GALNT13: variants seen among roughly 807,000 people sequenced by gnomAD.
The protein encoded by GALNT13 is polypeptide N-acetylgalactosaminyltransferase 13.
Under a neutral mutation model 64.2 loss-of-function variants are expected in GALNT13, and 28 were observed. The observed-to-expected ratio is 0.44, with a 90% CI of 0.32 to 0.60. The LOEUF (loss-of-function observed/expected upper bound fraction) is 0.60. Among genes scored for constraint, GALNT13 ranks in the 20% least tolerant of loss-of-function variants. GALNT13 has a pLI of 0.05. For synonymous variants in GALNT13, 214 were observed against 224.6 expected, an observed-to-expected ratio of 0.95 and a Z score of 0.42; for missense variants, 577 against 669.8, an observed-to-expected ratio of 0.86 and a Z score of 1.53.
the GALNT13 span, among the ~76,000 whole-genome samples, chr2:153,813,849 A>G: frequency 1.3e-5 from 2 of 152,224 alleles, no homozygotes; most frequent in South Asian, 2.1e-4. Context: ...GCAAGAATTA[A>G]TAGGGCTGTT....
chr2:153,884,665 TC>T (rs2105248746), intron 1 of GALNT13, among the ~76,000 whole-genome samples: 1 of 150,846 alleles, frequency 6.6e-6, no homozygotes, highest in Non-Finnish European at 1.5e-5. Flanking sequence ...GGGTTTGTAA[TC>T]CCAGCACTTT....
intron 4 of GALNT13, among the ~76,000 whole-genome samples, chr2:154,203,145 G>A (rs1360902423): frequency 6.6e-6 from 1 of 152,108 alleles, no homozygotes; most frequent in African/African-American, 2.4e-5. Flanking sequence ...GGCATGGGGA[G>A]GAGGGAGATA....
chr2:153,771,776 GC>G, the GALNT13 span, among the ~76,000 whole-genome samples: 2 of 152,072 alleles, frequency 1.3e-5, no homozygotes, highest in African/African-American at 4.8e-5. Flanking sequence ...CAGAAAAAGA[GC>G]AAAAACTTAC....
chr2:154,241,971 TA>T, intron 4 of GALNT13, 58 bp from the exon 5 acceptor site: 1 of 1,105,624 alleles, frequency 9.0e-7, no homozygotes, highest in Non-Finnish European at 1.3e-6. Flanking sequence ...TATTTCTTTT[TA>T]AAATAATCAG....
the GALNT13 span, among the ~76,000 whole-genome samples, chr2:153,400,698 G>C: frequency 2.8e-4 from 43 of 152,236 alleles, no homozygotes; most frequent in African/African-American, 7.7e-4. Context: ...TCTAGATTTT[G>C]TAGTTTATTT....
chr2:153,754,206 G>T, the GALNT13 span, among the ~76,000 whole-genome samples: 5 of 152,152 alleles, frequency 3.3e-5, no homozygotes, highest in Admixed American at 6.5e-5. Flanking sequence ...TTGTGGCCAG[G>T]CTAGTACCTA....
chr2:153,134,145 C>T, the GALNT13 span, among the ~76,000 whole-genome samples: 2 of 151,640 alleles, frequency 1.3e-5, no homozygotes, highest in African/African-American at 4.9e-5. Context: ...TCGAAAAGAC[C>T]ATAAAGGACA....
the GALNT13 span, among the ~76,000 whole-genome samples, chr2:153,562,042 TTC>T: frequency 3.6e-4 from 41 of 112,794 alleles, no homozygotes; most frequent in South Asian, 1.4e-3. Flanking sequence ...CTCTCTCTCT[TTC>T]TCTCTCTCTC....
At chr2:153,844,936 T>C in the GALNT13 span, among the ~76,000 whole-genome samples, 17 of 152,318 alleles carry the variant, frequency 1.1e-4, no homozygotes, top group East Asian at 3.3e-3. Flanking sequence ...CAGTTCCCAA[T>C]AAGTTCCTCA....
chr2:154,337,877 C>T (rs996776606), intron 9 of GALNT13, among the ~76,000 whole-genome samples: 1 of 151,734 alleles, frequency 6.6e-6, no homozygotes, highest in African/African-American at 2.4e-5. Flanking sequence ...GGAGAGAAAG[C>T]TCATTTATAT....
At chr2:154,067,293 G>A (rs1352846232) in intron 3 of GALNT13, among the ~76,000 whole-genome samples, 1 of 151,836 alleles carries the variant, frequency 6.6e-6, no homozygotes, top group Non-Finnish European at 1.5e-5. Flanking sequence ...CTTATCAATG[G>A]TAACATTAAA....
chr2:153,849,373 C>T, the GALNT13 span, among the ~76,000 whole-genome samples: 2 of 152,124 alleles, frequency 1.3e-5, no homozygotes, highest in African/African-American at 4.8e-5. Flanking sequence ...TTTTGTACCT[C>T]TAATACTCGA....
chr2:153,254,201 G>A, the GALNT13 span, among the ~76,000 whole-genome samples: 1 of 152,174 alleles, frequency 6.6e-6, no homozygotes, highest in Non-Finnish European at 1.5e-5. Context: ...TCTTGGGAGG[G>A]TGTATGTGTC....
At chr2:153,562,105 T>G in the GALNT13 span, among the ~76,000 whole-genome samples, 4 of 134,802 alleles carry the variant, frequency 3.0e-5, no homozygotes, top group Non-Finnish European at 6.5e-5. Flanking sequence ...TGTGTGTGTG[T>G]GGTGTAGGCA....
the GALNT13 span, among the ~76,000 whole-genome samples, chr2:153,286,715 C>T: frequency 1.3e-5 from 2 of 152,030 alleles, no homozygotes; most frequent in South Asian, 2.1e-4. Flanking sequence ...GGTATGTCAA[C>T]TAAATTGTAT....
At chr2:154,238,249 A>C (rs1689300540) in intron 4 of GALNT13, among the ~76,000 whole-genome samples, 1 of 152,062 alleles carries the variant, frequency 6.6e-6, no homozygotes, top group Non-Finnish European at 1.5e-5. Flanking sequence ...TCATATGATA[A>C]GCAATACTAT....
At chr2:154,029,556 G>T (rs374447964) in intron 3 of GALNT13, among the ~76,000 whole-genome samples, 1 of 152,048 alleles carries the variant, frequency 6.6e-6, no homozygotes, top group Non-Finnish European at 1.5e-5. Flanking sequence ...GATTCAAACC[G>T]CAGATCTAGC....
chr2:153,099,082 C>A, the GALNT13 span, among the ~76,000 whole-genome samples: 3 of 152,150 alleles, frequency 2.0e-5, no homozygotes, highest in African/African-American at 4.8e-5. Flanking sequence ...CACTGCACTC[C>A]AGCCTGGGCA....
the GALNT13 span, among the ~76,000 whole-genome samples, chr2:153,827,027 A>G: frequency 8.5e-5 from 13 of 152,256 alleles, no homozygotes; most frequent in East Asian, 1.7e-3. Context: ...ATAAAAACCT[A>G]CCTGAGACTG....
Sources: allele counts gnomAD v4.1 joint callset (sites outside exome capture counted in the v4.1 genomes callset), GRCh38; gene constraint gnomAD v4.1.1; transcripts MANE v1.5; gene names NCBI Gene and HGNC (gene_info 2026-07-23, HGNC 2026-07-21).